The following ZNF398 variants were observed in gnomAD, a reference collection of about 807,000 sequenced individuals.
ZNF398 encodes the protein zinc finger protein 398.
In ZNF398, 18 loss-of-function variants were observed where a neutral mutation model predicts 41.9. The ratio of observed to expected loss-of-function variants is 0.43; its 90% CI spans 0.30 to 0.64. ZNF398 has a LOEUF of 0.64. Among genes scored for constraint, ZNF398 ranks in the 30% least tolerant of loss-of-function variants. The pLI is 0.14. For missense variants in ZNF398, 669 were observed against 822.8 expected, an observed-to-expected ratio of 0.81 and a Z score of 2.29; for synonymous variants, 260 against 308.8, an observed-to-expected ratio of 0.84 and a Z score of 1.66.
intron 2 of ZNF398, 63 bp downstream of exon 2, chr7:149,154,403 G>A (rs184478924): frequency 2.1e-4 from 307 of 1,480,120 alleles, no homozygotes; most frequent in Middle Eastern, 1.1e-3. Flanking sequence ...AGTAGTCTTG[G>A]TCATTCAGTT....
rs151304428 is a variant in ZNF398 at position 149,131,668 on chromosome 7, A to G, written c.-490+2724A>G. Among the ~76,000 whole-genome samples, 174 of 152,326 alleles carry G rather than the reference A, an allele frequency of 1.1e-3. 2 individuals carry two copies. Among genetic ancestry groups the G allele is most frequent in the Middle Eastern group, 6.8e-3 (2 of 294 alleles). ...GCCACTGCACTCCAGCCTGGGCAAC[A>G]AGAGTGAGACTCTGCCTCAAAAACA... On this transcript the variant is annotated intron_variant, in intron 2 of 6. Coordinates refer to the ZNF398 transcript ENST00000426851.
chr7:149,152,263 C>CTTTT (rs71192760), intron 1 of ZNF398, among the ~76,000 whole-genome samples: 6 of 136,432 alleles, frequency 4.4e-5, no homozygotes, highest in Admixed American at 2.3e-4. Flanking sequence ...TTAAAGATTT[C>CTTTT]TTTTTTTTTT....
At chr7:149,159,828 A>G (rs1398687041) in intron 2 of ZNF398, among the ~76,000 whole-genome samples, 1 of 151,972 alleles carries the variant, frequency 6.6e-6, no homozygotes, top group Non-Finnish European at 1.5e-5. Flanking sequence ...CCCAGGCTCA[A>G]GCGATTCTCG....
intron 4 of ZNF398, among the ~76,000 whole-genome samples, chr7:149,172,452 C>T (rs924093576): frequency 2.0e-5 from 3 of 152,032 alleles, no homozygotes; most frequent in South Asian, 4.1e-4. Context: ...CCCGCGCTCC[C>T]CCCCTTTTTA....
intron 2 of ZNF398, among the ~76,000 whole-genome samples, chr7:149,139,199 T>C (rs181489571): frequency 7.4e-4 from 113 of 152,036 alleles, no homozygotes; most frequent in African/African-American, 2.4e-3. Flanking sequence ...CACAAGCCAC[T>C]GCGCCCAGCC....
chr7:149,163,386 T>TG (rs1338650723), intron 2 of ZNF398, among the ~76,000 whole-genome samples: 1 of 151,118 alleles, frequency 6.6e-6, no homozygotes, highest in Non-Finnish European at 1.5e-5. Flanking sequence ...TTTTTTTTTT[T>TG]TTTGAGATGG....
At chr7:149,153,241 G>A (rs1794899028) in intron 1 of ZNF398, among the ~76,000 whole-genome samples, 1 of 152,128 alleles carries the variant, frequency 6.6e-6, no homozygotes, top group Non-Finnish European at 1.5e-5. Flanking sequence ...TACTTAGGAG[G>A]TTGAGGCAGG....
At chr7:149,150,380 C>T (rs1827081042) in intron 1 of ZNF398, among the ~76,000 whole-genome samples, 1 of 152,104 alleles carries the variant, frequency 6.6e-6, no homozygotes, top group Admixed American at 6.6e-5. Context: ...AGGTGGATCA[C>T]TTGAGCTGAG....
Position 149,172,831 on chromosome 7 carries a change from A to T in ZNF398, c.662-3637A>T, listed in dbSNP as rs561453502. Among the ~76,000 whole-genome samples, 32 of 152,358 alleles carry T rather than the reference A, an allele frequency of 2.1e-4. No homozygotes were observed. In the South Asian group the frequency reaches 6.2e-3, roughly 30 times the overall value. ...GCAATAAAGTGAATATCACAGTACA[A>T]GTAACAATAACTTTTGTTTTCCCAG... On this transcript the variant is annotated intron_variant, in intron 4 of 5. Transcript: ENST00000475153.
Position 149,180,198 on chromosome 7 carries a change from G to C in ZNF398, c.*397G>C, listed in dbSNP as rs1264136775. The C allele has an allele frequency of 6.1e-6, 1 of 163,360 alleles. No homozygotes were observed. The highest frequency in any genetic ancestry group is 1.3e-5 in the Non-Finnish European group (1 of 75,262). 10.1% of individuals were successfully genotyped at this position (163,360 alleles called of 1,614,324 possible). On this transcript the variant is annotated 3_prime_UTR_variant, in exon 6 of 6. Transcript: ENST00000475153. ...ATGAGAAGAGCCTCCAAAACTGGAA[G>C]CCCATCATAAGGCATGAGAATGTTT...
chr7:149,145,379 G>C (rs1826912742), upstream of ZNF398, among the ~76,000 whole-genome samples: 1 of 151,992 alleles, frequency 6.6e-6, no homozygotes. Flanking sequence ...GCTGCACTTC[G>C]GCCTACTTCC....
chr7:149,162,725 T>G (rs1472466011), intron 2 of ZNF398, among the ~76,000 whole-genome samples: 3 of 152,296 alleles, frequency 2.0e-5, no homozygotes, highest in Middle Eastern at 3.4e-3. Flanking sequence ...GTAGAGGAAC[T>G]TGTTTGAGAA....
rs1795543087 is a variant in ZNF398 at position 149,179,394 on chromosome 7, G to A, written c.1522G>A (p.Glu508Lys). The change falls in exon 6 of 6, where the codon GAG becomes AAG. Residue 508 changes from glutamate (E) to lysine (K), a missense_variant. This residue lies in a region of ZNF398 where 210 missense variants were observed against 290.4 expected (regional missense o/e 0.72). Transcript: ENST00000475153. The surrounding 1 kb of genome is among the most constrained non-coding windows in gnomAD (Gnocchi z 6.1). ...CCGCCACCAGATGATCCACACAGGC[G>A]AGCGTCCTTACCCCTGCACTGACTG... ...LIRHQMIHTG[E>K]RPYPCTDCSK... 1 of 1,613,716 alleles carries A rather than the reference G, an allele frequency of 6.2e-7. No individual in the cohort carries two copies. Among genetic ancestry groups the A allele is most frequent in the Non-Finnish European group, 8.5e-7 (1 of 1,180,048 alleles).
At chr7:149,177,479 T>G (rs565350711) in intron 5 of ZNF398, among the ~76,000 whole-genome samples, 1 of 152,246 alleles carries the variant, frequency 6.6e-6, no homozygotes, top group Non-Finnish European at 1.5e-5. Context: ...GGTATTTAGA[T>G]AAGACCTAAA....
rs202198513 is a variant in ZNF398 at position 149,140,739 on chromosome 7, C to CA, written c.-490+11806dup. The stretch of plus-strand genomic sequence containing the variant: ...ACAATTTTGTTCCATTCTGTCCTTT[C>CA]AAAAAAAAAAAGATCCCTGGCTGTG... On this transcript the variant is annotated intron_variant, in intron 2 of 6. Coordinates refer to the ZNF398 transcript ENST00000426851. Among the ~76,000 whole-genome samples, 657 of 144,106 alleles carry CA rather than the reference C, an allele frequency of 4.6e-3. 5 individuals carry two copies. Among genetic ancestry groups the CA allele is most frequent in the African/African-American group, 0.015 (574 of 39,412 alleles). 94.5% of individuals were successfully genotyped at this position (144,106 alleles called of 152,430 possible).
intron 2 of ZNF398, among the ~76,000 whole-genome samples, chr7:149,130,761 G>A (rs1396368167): frequency 6.6e-6 from 1 of 152,194 alleles, no homozygotes; most frequent in Non-Finnish European, 1.5e-5. Context: ...AACAAGTGTT[G>A]CCAACGAAGA....
intron 1 of ZNF398, among the ~76,000 whole-genome samples, chr7:149,152,122 G>A (rs1042990816): frequency 2.0e-5 from 3 of 151,982 alleles, no homozygotes; most frequent in Non-Finnish European, 4.4e-5. Context: ...ACTGAGGCAG[G>A]AGAATCGCTT....
intron 2 of ZNF398, among the ~76,000 whole-genome samples, chr7:149,141,296 CTTT>C (rs35880201): frequency 1.5e-4 from 20 of 133,816 alleles, no homozygotes; most frequent in Admixed American, 2.3e-4. Flanking sequence ...AATCCACAGA[CTTT>C]TTTTTTTTTT....
chr7:149,155,730 A>ATTTTTTTTTTTTTTTT (rs148643688), intron 2 of ZNF398, among the ~76,000 whole-genome samples: 1 of 92,392 alleles, frequency 1.1e-5, no homozygotes, highest in Non-Finnish European at 2.0e-5. Flanking sequence ...TTTTTTTTTT[A>ATTTTTTTTTTTTTTTT]ATTTTTTTTT....
Sources: gnomAD v4.1 joint callset for allele counts (sites outside exome capture counted in the v4.1 genomes callset) on GRCh38, gnomAD v4.1.1 for gene constraint, gnomAD v4.1.1 regional missense constraint, Gnocchi (gnomAD v3.1) non-coding constraint, MANE v1.5 for transcripts, NCBI Gene and HGNC (gene_info 2026-07-23, HGNC 2026-07-21) for gene names.